The following SIN3A variants were observed in gnomAD, a reference collection of about 807,000 sequenced individuals.
SIN3A encodes the protein paired amphipathic helix protein Sin3a.
A neutral mutation model predicts 146.1 loss-of-function variants in SIN3A; 14 were observed. The ratio of observed to expected loss-of-function variants is 0.10; its 90% CI spans 0.06 to 0.15. The LOEUF (loss-of-function observed/expected upper bound fraction) is 0.15. Among genes scored for constraint, SIN3A ranks in the 10% least tolerant of loss-of-function variants. The pLI, the probability that SIN3A is intolerant of heterozygous loss-of-function variation, is 1.00. For missense variants in SIN3A, 1,028 were observed against 1,576.0 expected (o/e 0.65, Z 5.89); for synonymous variants, 572 against 572.0 (o/e 1.00, Z 0.00).
chr15:75,387,256 G>A (rs1387338814), intron 16 of SIN3A, among the ~76,000 whole-genome samples: 1 of 152,134 alleles, frequency 6.6e-6, no homozygotes, highest in East Asian at 1.9e-4. Flanking sequence ...TGGGCACAGT[G>A]GCTCATGCCC....
chr15:75,393,391 T>A (rs2073245556), intron 14 of SIN3A, among the ~76,000 whole-genome samples: 1 of 152,180 alleles, frequency 6.6e-6, no homozygotes, highest in Non-Finnish European at 1.5e-5. Flanking sequence ...TTTCTTTCTT[T>A]TTTTTGGCAG....
intron 9 of SIN3A, among the ~76,000 whole-genome samples, chr15:75,406,055 G>C (rs891687736): frequency 3.9e-5 from 6 of 152,154 alleles, no homozygotes; most frequent in African/African-American, 1.4e-4. Flanking sequence ...TAATCACGGA[G>C]ATGTTAAATC....
In SIN3A at chr15:75,404,903, T is replaced by A. The variant is rs543875270; in HGVS notation, c.1407+2152A>T. On this transcript the variant is annotated intron_variant, in intron 9 of 20. Coordinates refer to ENST00000394947, the MANE Select transcript of SIN3A (RefSeq NM_001145358.2). The stretch of plus-strand genomic sequence containing the variant: ...TCTCAACACTTTGGAAGGCAAATGC[T>A]GAGGCCGAAGGAGGAGGATTGCCTG... Among the ~76,000 whole-genome samples, 25 of 151,826 alleles carry A rather than the reference T, an allele frequency of 1.6e-4. No individual in the cohort carries two copies. In the South Asian group the frequency reaches 4.6e-3, roughly 28 times the overall value.
At chr15:75,451,167 G>T (rs2074399884) in intron 1 of SIN3A, among the ~76,000 whole-genome samples, 1 of 149,960 alleles carries the variant, frequency 6.7e-6, no homozygotes, top group Admixed American at 6.6e-5. Flanking sequence ...GCACGCGCGC[G>T]CCGGCCCCGC....
chr15:75,421,190 G>C (rs1398281869), intron 3 of SIN3A: 2 of 152,008 alleles, frequency 1.3e-5, no homozygotes, highest in African/African-American at 4.8e-5. Context: ...ATTAAATCAC[G>C]CACAACCAAG....
chr15:75,406,084 C>T (rs2073507169), intron 9 of SIN3A, among the ~76,000 whole-genome samples: 1 of 152,130 alleles, frequency 6.6e-6, no homozygotes. Context: ...TTCTGCAAAA[C>T]CCAAGAGGCA....
At chr15:75,387,197 G>C (rs1454367553) in intron 16 of SIN3A, among the ~76,000 whole-genome samples, 2 of 152,138 alleles carry the variant, frequency 1.3e-5, no homozygotes, top group Non-Finnish European at 2.9e-5. Flanking sequence ...GATACCTCCA[G>C]TTAAAGGAGT....
chr15:75,402,053 A>T (rs12909060), intron 9 of SIN3A, 83 bp from the exon 10 acceptor site: 1 of 835,272 alleles, frequency 1.2e-6, no homozygotes, highest in Non-Finnish European at 2.0e-6. Context: ...GTCGCCCAGG[A>T]GGAGGCGCAG....
intron 15 of SIN3A, among the ~76,000 whole-genome samples, chr15:75,391,633 G>A (rs556573962): frequency 6.6e-6 from 1 of 152,284 alleles, no homozygotes; most frequent in East Asian, 1.9e-4. Flanking sequence ...TGAACTGGAA[G>A]CAGGCAGCAC....
At chr15:75,402,032 G>T in intron 9 of SIN3A, 62 bp from the exon 10 acceptor site, 2 of 1,057,718 alleles carry the variant, frequency 1.9e-6, no homozygotes, top group Non-Finnish European at 1.5e-6. Context: ...AACTGAAAAG[G>T]GCCTCGCTCT....
At chr15:75,442,682 C>T (rs974574238) in intron 1 of SIN3A, among the ~76,000 whole-genome samples, 6 of 149,370 alleles carry the variant, frequency 4.0e-5, no homozygotes, top group Non-Finnish European at 7.4e-5. Flanking sequence ...GTAATCCCAG[C>T]ACTTTGGGAG....
chr15:75,425,712 T>C (rs918417693), intron 2 of SIN3A, among the ~76,000 whole-genome samples: 1 of 152,222 alleles, frequency 6.6e-6, no homozygotes, highest in Non-Finnish European at 1.5e-5. Context: ...TTCAGAATTG[T>C]TGATCACCAC....
chr15:75,389,245 G>A (rs2073150518), intron 16 of SIN3A, among the ~76,000 whole-genome samples: 1 of 151,842 alleles, frequency 6.6e-6, no homozygotes, highest in African/African-American at 2.4e-5. Flanking sequence ...AGGATCACTT[G>A]AGACCAGAAG....
At chr15:75,379,163 G>A (rs981062668) in intron 19 of SIN3A, among the ~76,000 whole-genome samples, 1 of 152,156 alleles carries the variant, frequency 6.6e-6, no homozygotes, top group African/African-American at 2.4e-5. Context: ...CTCCCAAAGT[G>A]CTGGAGTTAC....
chr15:75,401,764 T>C (rs2073415880), intron 10 of SIN3A, 88 bp downstream of exon 10: 6 of 814,814 alleles, frequency 7.4e-6, no homozygotes, highest in Non-Finnish European at 1.2e-5. Flanking sequence ...CTCAAGTAAA[T>C]TAACTTTGCC....
At chr15:75,422,351 G>A (rs2073853915) in intron 3 of SIN3A, 4 of 599,274 alleles carry the variant, frequency 6.7e-6, no homozygotes, top group Non-Finnish European at 1.2e-5. Flanking sequence ...AAAGGAAGCA[G>A]CCAAAAAATG....
intron 12 of SIN3A, among the ~76,000 whole-genome samples, chr15:75,397,871 G>C (rs936135307): frequency 6.6e-6 from 1 of 152,146 alleles, no homozygotes; most frequent in South Asian, 2.1e-4. Context: ...CTTACTAAAC[G>C]TAAGTAACAA....
At position 75,392,225 on chromosome 15, in the gene SIN3A, G is replaced by T; in HGVS notation, c.2851+17C>A. ...AACCTCACACATCCTCTGTAAATCAGAGGTCTCGGCACTCACTAGGTTCTT... is the reference window on the plus strand; with the variant it reads ...AACCTCACACATCCTCTGTAAATCATAGGTCTCGGCACTCACTAGGTTCTT... On this transcript the variant is annotated intron_variant, in intron 15 of 20. Coordinates refer to ENST00000394947, the MANE Select transcript of SIN3A (RefSeq NM_001145358.2). 1 of 1,604,148 alleles carries T rather than the reference G, an allele frequency of 6.2e-7. No individual in the cohort carries two copies. Among genetic ancestry groups the T allele is most frequent in the Non-Finnish European group, 8.5e-7 (1 of 1,173,538 alleles).
At chr15:75,431,214 A>C (rs2074008686) in intron 1 of SIN3A, among the ~76,000 whole-genome samples, 1 of 152,232 alleles carries the variant, frequency 6.6e-6, no homozygotes, top group Admixed American at 6.5e-5. Context: ...TAGACTTGCC[A>C]ATTTAAGATG....
Sources: allele counts gnomAD v4.1 joint callset (sites outside exome capture counted in the v4.1 genomes callset), GRCh38; gene constraint gnomAD v4.1.1; transcripts MANE v1.5; gene names NCBI Gene and HGNC (gene_info 2026-07-23, HGNC 2026-07-21).